SGCZ: variants seen among roughly 807,000 people sequenced by gnomAD.
The protein encoded by SGCZ is sarcoglycan zeta, also known as zeta-sarcoglycan.
SGCZ carries 40 observed loss-of-function variants against 41.3 expected under a neutral mutation model. The observed-to-expected ratio is 0.97, with a 90% CI of 0.75 to 1.26. The LOEUF is 1.26. Ranked by LOEUF, SGCZ falls within the 50% of genes most tolerant of loss-of-function variation. The probability of loss-of-function intolerance (pLI) is 0.00; values close to 1 mark genes in which losing one functional copy is unlikely to be tolerated. For synonymous variants in SGCZ, 206 were observed against 137.5 expected (o/e 1.50, Z -3.49); for missense variants, 552 against 369.8 (o/e 1.49, Z -4.04).
chr8:14,102,702 G>A (rs1802071816), intron 6 of SGCZ, among the ~76,000 whole-genome samples: 1 of 151,902 alleles, frequency 6.6e-6, no homozygotes, highest in South Asian at 2.1e-4. Flanking sequence ...TCTATTTTTG[G>A]CTCTTTATAA....
intron 2 of SGCZ, among the ~76,000 whole-genome samples, chr8:14,426,133 G>A (rs1364764930): frequency 6.6e-6 from 1 of 152,052 alleles, no homozygotes; most frequent in Non-Finnish European, 1.5e-5. Flanking sequence ...GTACCATTCT[G>A]GAGGTAAGGG....
At chr8:14,711,682 T>G (rs1010330794) in intron 1 of SGCZ, among the ~76,000 whole-genome samples, 9 of 149,602 alleles carry the variant, frequency 6.0e-5, no homozygotes, top group African/African-American at 1.7e-4. Flanking sequence ...ACATATGTAA[T>G]AAGTCATATT....
chr8:14,312,965 C>A (rs555221243), intron 3 of SGCZ, among the ~76,000 whole-genome samples: 1 of 152,136 alleles, frequency 6.6e-6, no homozygotes, highest in Non-Finnish European at 1.5e-5. Flanking sequence ...AAGAAGACTG[C>A]GGATTCCTTT....
At position 14,835,680 on chromosome 8, in the gene SGCZ, G is replaced by A. The variant is rs1035139765; in HGVS notation, c.40-280754C>T. Among the ~76,000 whole-genome samples the A allele has an allele frequency of 8.5e-5, 13 of 152,148 alleles. No individual in the cohort carries two copies. The East Asian group carries it at 1.2e-3, about 14-fold the overall frequency. ...ATTTATCATTACTTATGTTTGCTGC[G>A]CTTTAGCCAATCTGTTCTTGGCCTA... On this transcript the variant is annotated intron_variant, in intron 1 of 7. Transcript: ENST00000382080.
chr8:14,806,142 T>C lies in SGCZ; in HGVS notation c.40-251216A>G, dbSNP rs1321132177. Among the ~76,000 whole-genome samples the C allele has an allele frequency of 4.6e-5, 7 of 151,814 alleles. No homozygotes were observed. The South Asian group carries it at 1.0e-3, about 23-fold the overall frequency. ...AAGAGAAAGCAGGAAAGATCCAAAA[T>C]TGACACCCTAACATCACAATAAAAG... is the stretch of plus-strand genomic sequence containing the variant. On this transcript the variant is annotated intron_variant, in intron 1 of 7. Transcript: ENST00000382080.
intron 1 of SGCZ, among the ~76,000 whole-genome samples, chr8:14,778,077 T>C (rs1436806003): frequency 2.0e-5 from 3 of 151,972 alleles, no homozygotes; most frequent in East Asian, 3.9e-4. Context: ...GCATGCACCA[T>C]CATGCCTGGC....
At chr8:14,661,752 G>A (rs1165479632) in intron 1 of SGCZ, among the ~76,000 whole-genome samples, 1 of 151,784 alleles carries the variant, frequency 6.6e-6, no homozygotes, top group African/African-American at 2.4e-5. Flanking sequence ...ACAATGAATG[G>A]GAGAAGAAAA....
chr8:14,906,513 T>G (rs1352724604), intron 1 of SGCZ, among the ~76,000 whole-genome samples: 1 of 152,208 alleles, frequency 6.6e-6, no homozygotes, highest in Non-Finnish European at 1.5e-5. Context: ...TATTTTTTCT[T>G]TTCTACAAAG....
intron 1 of SGCZ, among the ~76,000 whole-genome samples, chr8:15,187,748 TA>T (rs955589215): frequency 9.9e-5 from 15 of 152,084 alleles, no homozygotes; most frequent in African/African-American, 3.4e-4. Context: ...TAAGGTTTTT[TA>T]AAAAATAAGC....
At chr8:14,254,934 T>A (rs1249782902) in intron 3 of SGCZ, among the ~76,000 whole-genome samples, 1 of 152,080 alleles carries the variant, frequency 6.6e-6, no homozygotes, top group Non-Finnish European at 1.5e-5. Context: ...AATCTCTTCC[T>A]GATCCACAAA....
At chr8:14,383,945 G>C (rs1804467580) in intron 2 of SGCZ, among the ~76,000 whole-genome samples, 1 of 151,634 alleles carries the variant, frequency 6.6e-6, no homozygotes, top group East Asian at 1.9e-4. Flanking sequence ...AGAATATTTT[G>C]AATTTTCTTT....
chr8:14,429,762 C>T (rs752334880), intron 2 of SGCZ, among the ~76,000 whole-genome samples: 8 of 150,334 alleles, frequency 5.3e-5, no homozygotes, highest in African/African-American at 1.2e-4. Context: ...AGCATATTTA[C>T]ATTTGTAAAC....
At chr8:15,213,869 CT>C (rs1801314913) in intron 1 of SGCZ, among the ~76,000 whole-genome samples, 1 of 151,904 alleles carries the variant, frequency 6.6e-6, no homozygotes, top group Non-Finnish European at 1.5e-5. Flanking sequence ...CCATATTTCT[CT>C]TTTTAAAAAA....
intron 1 of SGCZ, among the ~76,000 whole-genome samples, chr8:15,017,225 G>C (rs1803073420): frequency 6.6e-6 from 1 of 152,094 alleles, no homozygotes; most frequent in Non-Finnish European, 1.5e-5. Context: ...CAGTAACTGG[G>C]AGTAATAATT....
At chr8:14,467,645 T>C (rs1801090075) in intron 2 of SGCZ, among the ~76,000 whole-genome samples, 1 of 152,042 alleles carries the variant, frequency 6.6e-6, no homozygotes, top group Non-Finnish European at 1.5e-5. Context: ...GACATCAGAA[T>C]TCCAAAGTAG....
intron 1 of SGCZ, among the ~76,000 whole-genome samples, chr8:14,941,175 T>G (rs976573419): frequency 3.9e-5 from 6 of 152,100 alleles, no homozygotes; most frequent in Non-Finnish European, 8.8e-5. Flanking sequence ...CCACAGGTAT[T>G]GCAGAAAATT....
At chr8:14,895,763 G>A (rs1413974632) in intron 1 of SGCZ, among the ~76,000 whole-genome samples, 1 of 152,176 alleles carries the variant, frequency 6.6e-6, no homozygotes, top group African/African-American at 2.4e-5. Flanking sequence ...AAATGTAGAT[G>A]CAGTGGTTCC....
chr8:14,349,842 C>A (rs1055115482), intron 2 of SGCZ, among the ~76,000 whole-genome samples: 2 of 152,080 alleles, frequency 1.3e-5, no homozygotes, highest in African/African-American at 2.4e-5. Context: ...TAAAAAAGTT[C>A]TATGACCAAA....
At chr8:14,857,217 C>T (rs374385978) in intron 1 of SGCZ, among the ~76,000 whole-genome samples, 1 of 152,164 alleles carries the variant, frequency 6.6e-6, no homozygotes, top group South Asian at 2.1e-4. Flanking sequence ...CTGAGGCCTG[C>T]TCAGAAACCC....
Sources: allele counts gnomAD v4.1 joint callset (sites outside exome capture counted in the v4.1 genomes callset), GRCh38; gene constraint gnomAD v4.1.1; transcripts MANE v1.5; gene names NCBI Gene and HGNC (gene_info 2026-07-23, HGNC 2026-07-21).